Variants in SATL1 observed in about 807,000 individuals in gnomAD.
SATL1 encodes spermidine/spermine N1-acetyl transferase like 1.
Under a neutral mutation model 51.8 loss-of-function variants are expected in SATL1, and 47 were observed. The ratio of observed to expected loss-of-function variants is 0.91; its 90% CI spans 0.72 to 1.16. The LOEUF is 1.16. Ranked by LOEUF, SATL1 falls within the 50% of genes most tolerant of loss-of-function variation. The pLI is 0.00. For synonymous variants in SATL1, 176 were observed against 182.4 expected (o/e 0.97, Z 0.28); for missense variants, 520 against 526.4 (o/e 0.99, Z 0.12).
Position 85,132,488 on chromosome X carries a change from T to C in SATL1, c.-312-23208A>G, listed in dbSNP as rs1215445694. 5.4e-5 allele frequency among the ~76,000 whole-genome samples: 6 copies of C among 112,081 alleles called. No individual in the cohort carries two copies. In the Admixed American group the frequency reaches 5.7e-4, roughly 11 times the overall value. On this transcript the variant is annotated intron_variant, in intron 2 of 7. Coordinates refer to ENST00000644105, the MANE Select transcript of SATL1 (RefSeq NM_001367857.2). ...TGTCACATATTTCTCATGCTGTGAT[T>C]TTCAGCTCCATCAGGTCATTTAAGG... is the stretch of plus-strand genomic sequence containing the variant.
At chrX:85,154,677 A>C (rs760660403) in intron 2 of SATL1, among the ~76,000 whole-genome samples, 1 of 112,311 alleles carries the variant, frequency 8.9e-6, no homozygotes, top group Non-Finnish European at 1.9e-5. Context: ...ACTAGACCTA[A>C]ACTCTTAACT....
chrX:85,123,003 T>C (rs1925540118), intron 2 of SATL1, among the ~76,000 whole-genome samples: 1 of 111,844 alleles, frequency 8.9e-6, no homozygotes, highest in South Asian at 3.7e-4. Flanking sequence ...TTGTTTTTTA[T>C]GACTGCACAG....
Position 85,108,409 on chromosome X carries a change from T to C in SATL1, c.560A>G (p.Asn187Ser), listed in dbSNP as rs1167390789. 8.3e-7 allele frequency: 1 copy of C among 1,211,308 alleles called. No individual in the cohort carries two copies. The highest frequency in any genetic ancestry group is 1.1e-6 in the Non-Finnish European group (1 of 895,367). ...TTGCCACATGCCTGGTGGACTCATG[T>C]TTGGTTGCCTCAGGACTGGTTGGCT... ...GLSQPVLRQP[N>S]MSPPGMWQPG... The change falls in exon 3 of 8, where the codon AAC (asparagine) becomes AGC (serine). Residue 187 changes from asparagine (N) to serine (S), a missense_variant. By Grantham distance (46) the Asn-to-Ser change is conservative. Around this residue, in one of 3 missense-constraint regions of SATL1, gnomAD observed 488 missense variants for 474.3 expected, o/e 1.03. Coordinates refer to ENST00000644105, the MANE Select transcript of SATL1 (RefSeq NM_001367857.2).
intron 4 of SATL1, among the ~76,000 whole-genome samples, chrX:85,095,272 A>G (rs996757346): frequency 8.9e-6 from 1 of 111,898 alleles, no homozygotes; most frequent in Non-Finnish European, 1.9e-5. Flanking sequence ...TGGGAACAGC[A>G]ACCTGTATTT....
intron 2 of SATL1, among the ~76,000 whole-genome samples, chrX:85,205,783 AT>A (rs1443347942): frequency 9.0e-6 from 1 of 111,556 alleles, no homozygotes; most frequent in African/African-American, 3.3e-5. Flanking sequence ...ATAATTCTAA[AT>A]GTTGTAAAGA....
intron 2 of SATL1, among the ~76,000 whole-genome samples, chrX:85,157,361 A>G (rs1490889890): frequency 9.0e-6 from 1 of 111,359 alleles, no homozygotes; most frequent in Non-Finnish European, 1.9e-5. Flanking sequence ...TCAAAAAAGA[A>G]GGTTAAAGTA....
At chrX:85,178,341 A>T (rs1018076875) in intron 2 of SATL1, among the ~76,000 whole-genome samples, 4 of 111,321 alleles carry the variant, frequency 3.6e-5, no homozygotes, top group South Asian at 3.7e-4. Flanking sequence ...TTAATGACAG[A>T]TGCTCTCTCT....
chrX:85,109,974 C>G (rs981625541), intron 2 of SATL1, among the ~76,000 whole-genome samples: 2 of 111,870 alleles, frequency 1.8e-5, no homozygotes, highest in Non-Finnish European at 1.9e-5. Context: ...CGCACTATTG[C>G]ACTCCAGCCT....
chrX:85,207,516 T>C (rs191620615), intron 2 of SATL1: 4 of 111,995 alleles, frequency 3.6e-5, no homozygotes, highest in African/African-American at 1.3e-4. Flanking sequence ...TTTTGCAATT[T>C]GATCATAAAT....
intron 2 of SATL1, among the ~76,000 whole-genome samples, chrX:85,147,090 A>T (rs1169880160): frequency 1.8e-5 from 2 of 113,892 alleles, no homozygotes; most frequent in African/African-American, 6.4e-5. Context: ...GATGGACGGC[A>T]CCTGGAAAAT....
In SATL1 at chrX:85,107,943, A is replaced by G. The variant is rs749769959; in HGVS notation, c.1026T>C (p.Ser342=). 1 of 1,192,799 alleles carries G rather than the reference A, an allele frequency of 8.4e-7. No individual in the cohort carries two copies. The highest frequency in any genetic ancestry group is 1.9e-5 in the African/African-American group (1 of 51,319). Residue 342 remains serine, a synonymous_variant, in exon 3 of 8, where the codon AGT becomes AGC. Transcript: ENST00000644105. ...WPQSLSELVL[S]EASISQPGPP... ...GACCTGGTTGGCTTATGCTTGCTTC[A>G]CTCAGGACTAGTTCGCTCAGGCTTT...
At chrX:85,112,793 G>T (rs1455015612) in intron 2 of SATL1, among the ~76,000 whole-genome samples, 1 of 110,846 alleles carries the variant, frequency 9.0e-6, no homozygotes, top group Non-Finnish European at 1.9e-5. Flanking sequence ...GCCTTTCCTG[G>T]TGCCAGCTGT....
chrX:85,190,861 G>T (rs1289976617), intron 2 of SATL1, among the ~76,000 whole-genome samples: 1 of 108,766 alleles, frequency 9.2e-6, no homozygotes, highest in Admixed American at 1.0e-4. Flanking sequence ...GCAAACTACA[G>T]CAAGGACAGA....
intron 2 of SATL1, among the ~76,000 whole-genome samples, chrX:85,139,670 C>T (rs186850870): frequency 1.3e-4 from 15 of 111,570 alleles, no homozygotes; most frequent in African/African-American, 3.6e-4. Context: ...GAGAAATCTT[C>T]GTAAATCTCA....
In SATL1 at chrX:85,108,141, C is replaced by T. The variant is rs766194453; in HGVS notation, c.828G>A (p.Met276Ile). 9.1e-6 allele frequency: 11 copies of T among 1,210,122 alleles called. No individual in the cohort carries two copies. Among genetic ancestry groups the T allele is most frequent in the Non-Finnish European group, 1.2e-5 (11 of 895,270 alleles). The change falls in exon 3 of 8, where the codon ATG becomes ATA. Residue 276 changes from methionine (M) to isoleucine (I), a missense_variant. Coordinates refer to ENST00000644105, the MANE Select transcript of SATL1 (RefSeq NM_001367857.2). Reference protein sequence around the residue: ...PSLLGMNQMDMNQWSASLYEM... With the variant: ...PSLLGMNQMDINQWSASLYEM... ...CATATAGGCTTGCACTCCATTGGTT[C>T]ATGTCCATTTGGTTCATACCAAGTA...
chrX:85,185,082 G>T (rs1365723520), intron 2 of SATL1, among the ~76,000 whole-genome samples: 1 of 112,308 alleles, frequency 8.9e-6, no homozygotes, highest in Non-Finnish European at 1.9e-5. Context: ...TGTGGATCTT[G>T]CAGCCCCATA....
At chrX:85,098,225 C>G (rs73627320) in intron 4 of SATL1, among the ~76,000 whole-genome samples, 4,948 of 111,292 alleles carry the variant, frequency 0.044, 240 homozygotes, top group African/African-American at 0.14. Context: ...AAAACACTTA[C>G]AAGAAACAAA....
chrX:85,194,871 C>CG (rs1268303323), intron 2 of SATL1, among the ~76,000 whole-genome samples: 1 of 15,806 alleles, frequency 6.3e-5, no homozygotes, highest in Non-Finnish European at 1.1e-4. Flanking sequence ...TGGGGTCTAT[C>CG]GGGGGGTGGG....
intron 2 of SATL1, among the ~76,000 whole-genome samples, chrX:85,116,638 C>T (rs1187050431): frequency 9.0e-6 from 1 of 111,490 alleles, no homozygotes. Flanking sequence ...CCCACTCACT[C>T]AACTTCTGAG....
Sources: gnomAD v4.1 joint callset for allele counts (sites outside exome capture counted in the v4.1 genomes callset) on GRCh38, gnomAD v4.1.1 for gene constraint, gnomAD v4.1.1 regional missense constraint, MANE v1.5 for transcripts, NCBI Gene and HGNC (gene_info 2026-07-23, HGNC 2026-07-21) for gene names.